CECR2: variants seen among roughly 807,000 people sequenced by gnomAD.
CECR2 encodes the protein chromatin remodeling regulator CECR2.
In CECR2, 30 loss-of-function variants were observed where a neutral mutation model predicts 154.5. The ratio of observed to expected loss-of-function variants is 0.19; its 90% confidence interval spans 0.15 to 0.26. The LOEUF is 0.26. Among genes scored for constraint, CECR2 ranks in the 10% least tolerant of loss-of-function variants. The pLI, the probability that CECR2 is intolerant of heterozygous loss-of-function variation, is 1.00. For missense variants in CECR2, 1,743 were observed against 1,829.3 expected (o/e 0.95, Z 0.86); for synonymous variants, 725 against 683.7 (o/e 1.06, Z -0.94).
At chr22:17,454,965 A>G (rs1349418251) in intron 1 of CECR2, among the ~76,000 whole-genome samples, 1 of 152,240 alleles carries the variant, frequency 6.6e-6, no homozygotes, top group Non-Finnish European at 1.5e-5. Context: ...AGGGTCATTT[A>G]TAACCTGACA....
intron 1 of CECR2, among the ~76,000 whole-genome samples, chr22:17,425,266 A>C (rs1233064003): frequency 6.6e-6 from 1 of 152,064 alleles, no homozygotes; most frequent in African/African-American, 2.4e-5. Context: ...AATCTCATGT[A>C]TGTGAACACA....
Position 17,503,075 on chromosome 22 carries a change from G to A in CECR2, c.651-7G>A, listed in dbSNP as rs750564464. On this transcript the variant is annotated splice_region_variant and splice_polypyrimidine_tract_variant and intron_variant, in intron 5 of 18. Transcript: ENST00000262608. The stretch of plus-strand genomic sequence containing the variant: ...TTTAATTGGCACCTCTTTTTCCTGT[G>A]TTTCAGTGAAAAGCAGGAAGAAAAT... 23 of 1,609,394 alleles carry A rather than the reference G, an allele frequency of 1.4e-5. No individual in the cohort carries two copies. Among genetic ancestry groups the A allele is most frequent in the Middle Eastern group, 1.7e-4 (1 of 6,058 alleles).
intron 1 of CECR2, among the ~76,000 whole-genome samples, chr22:17,392,062 G>A (rs561740105): frequency 2.0e-5 from 3 of 152,230 alleles, no homozygotes; most frequent in East Asian, 1.9e-4. Flanking sequence ...CACCTGCTTC[G>A]GCCTCCCAAA....
chr22:17,481,413 A>G (rs1223285471), intron 2 of CECR2, among the ~76,000 whole-genome samples: 1 of 151,842 alleles, frequency 6.6e-6, no homozygotes, highest in Non-Finnish European at 1.5e-5. Context: ...AAATGGAATT[A>G]GTGACAATAT....
rs544360944 is a variant in CECR2 at position 17,407,527 on chromosome 22, G to A, written c.126+37618G>A. Among the ~76,000 whole-genome samples, 5 of 152,106 alleles carry A rather than the reference G, an allele frequency of 3.3e-5. No individual in the cohort carries two copies. The East Asian group carries it at 5.8e-4, about 18-fold the overall frequency. On this transcript the variant is annotated intron_variant, in intron 1 of 18. Coordinates refer to ENST00000262608, the MANE Select transcript of CECR2 (RefSeq NM_001290047.2). ...TGAGAATCGCTTGAACCTGGGAGGC[G>A]GAGATTGCAGTGAGCTGAGATCGCA...
intron 1 of CECR2, among the ~76,000 whole-genome samples, chr22:17,377,408 T>G (rs750269198): frequency 9.2e-5 from 14 of 152,120 alleles, no homozygotes; most frequent in Non-Finnish European, 2.1e-4. Flanking sequence ...CTGAAGGCAT[T>G]GAATTATGTG....
intron 16 of CECR2, 90 bp from the exon 17 acceptor site, chr22:17,548,058 C>T: frequency 1.6e-6 from 2 of 1,233,778 alleles, no homozygotes; most frequent in East Asian, 2.6e-5. Flanking sequence ...CACACATCCA[C>T]CTTAATCTGA....
intron 1 of CECR2, among the ~76,000 whole-genome samples, chr22:17,391,004 C>T (rs1405727294): frequency 6.6e-6 from 1 of 152,194 alleles, no homozygotes; most frequent in Admixed American, 6.5e-5. Flanking sequence ...ACCCTTTACT[C>T]TAGATGTACC....
intron 1 of CECR2, among the ~76,000 whole-genome samples, chr22:17,361,833 C>A (rs1200791564): frequency 1.3e-5 from 2 of 151,792 alleles, no homozygotes; most frequent in Admixed American, 6.6e-5. Flanking sequence ...ATTCCACAAG[C>A]ATTTATTATG....
chr22:17,515,824 C>T lies in CECR2; in HGVS notation c.954+3928C>T, dbSNP rs533388187. On this transcript the variant is annotated intron_variant, in intron 8 of 18. Coordinates refer to ENST00000262608, the MANE Select transcript of CECR2 (RefSeq NM_001290047.2). ...CCAAGTAGCTGGGACTACAGGCGCC[C>T]GCCACCACGCCCGGCTAATTCTCTG... is the stretch of plus-strand genomic sequence containing the variant. 6.6e-5 allele frequency among the ~76,000 whole-genome samples: 10 copies of T among 152,064 alleles called. 1 individual carries two copies. In the South Asian group the frequency reaches 2.1e-3, roughly 32 times the overall value.
Position 17,549,069 on chromosome 22 carries a change from G to T in CECR2, c.3782G>T (p.Arg1261Leu). 6.2e-7 allele frequency: 1 copy of T among 1,614,012 alleles called. No individual in the cohort carries two copies. The highest frequency in any genetic ancestry group is 1.1e-5 in the South Asian group (1 of 91,084). Residue 1261 changes from arginine to leucine, a missense_variant, in exon 17 of 19, where the codon CGT (arginine) becomes CTT (leucine). Arg to Leu is a moderately radical substitution (Grantham distance 102). Coordinates refer to ENST00000262608, the MANE Select transcript of CECR2 (RefSeq NM_001290047.2). ...TLNAALTSPT[R>L]MDAVAAKVPN... is the part of the protein sequence containing the mutation. ...AATGCTGCCTTAACTTCTCCAACCC[G>T]TATGGATGCAGTGGCTGCTAAAGTC...
chr22:17,469,639 T>C (rs2055092166), intron 1 of CECR2, among the ~76,000 whole-genome samples: 1 of 151,600 alleles, frequency 6.6e-6, no homozygotes. Context: ...CTTTTCTTCA[T>C]TATAATCCTA....
chr22:17,446,410 T>TA lies in CECR2; in HGVS notation c.127-31177dup, dbSNP rs1401152961. Among the ~76,000 whole-genome samples, 5 of 152,148 alleles carry TA rather than the reference T, an allele frequency of 3.3e-5. No individual in the cohort carries two copies. In the East Asian group the frequency reaches 9.6e-4, roughly 29 times the overall value. The stretch of plus-strand genomic sequence containing the variant: ...AGCCACGGAACTTAGCGGTGAGTGT[T>TA]ACAGCTCTTAAAGGTGGTGTGGACC... On this transcript the variant is annotated intron_variant, in intron 1 of 18. Transcript: ENST00000262608.
intron 17 of CECR2, among the ~76,000 whole-genome samples, chr22:17,551,260 TAG>T (rs1484437456): frequency 1.3e-5 from 2 of 152,194 alleles, no homozygotes; most frequent in Non-Finnish European, 2.9e-5. Context: ...CAGTATCTAA[TAG>T]AGTTTTTGTT....
At chr22:17,520,946 G>T (rs2056147608) in intron 8 of CECR2, among the ~76,000 whole-genome samples, 1 of 152,094 alleles carries the variant, frequency 6.6e-6, no homozygotes, top group Non-Finnish European at 1.5e-5. Context: ...AATCCTTTGG[G>T]TATATACCCA....
intron 1 of CECR2, among the ~76,000 whole-genome samples, chr22:17,405,445 A>G: frequency 7.2e-6 from 1 of 138,438 alleles, no homozygotes; most frequent in Admixed American, 7.8e-5. Flanking sequence ...ATAAAATAAG[A>G]TAAAATAAAA....
chr22:17,419,089 A>G (rs2054199775), intron 1 of CECR2: 1 of 155,016 alleles, frequency 6.5e-6, no homozygotes, highest in African/African-American at 2.4e-5. Context: ...GGGAAGGAAA[A>G]TGGCTGCTCG....
At chr22:17,485,234 A>G (rs953114267) in intron 2 of CECR2, among the ~76,000 whole-genome samples, 1 of 152,170 alleles carries the variant, frequency 6.6e-6, no homozygotes, top group African/African-American at 2.4e-5. Flanking sequence ...AGTTAAATAA[A>G]TTGCCCAAGG....
chr22:17,490,873 G>A (rs545327228), intron 2 of CECR2, among the ~76,000 whole-genome samples: 2 of 129,288 alleles, frequency 1.5e-5, no homozygotes, highest in East Asian at 2.2e-4. Context: ...TGTACCATTA[G>A]CAATCATTCC....
Sources: allele counts gnomAD v4.1 joint callset (sites outside exome capture counted in the v4.1 genomes callset), GRCh38; gene constraint gnomAD v4.1.1; transcripts MANE v1.5; gene names NCBI Gene and HGNC (gene_info 2026-07-23, HGNC 2026-07-21).